The following CC2D1B variants were observed in gnomAD, a reference collection of about 807,000 sequenced individuals.
CC2D1B encodes coiled-coil and C2 domain containing 1B.
CC2D1B carries 92 observed loss-of-function variants against 110.8 expected under a neutral mutation model. The observed-to-expected ratio is 0.83, with a 90% CI of 0.70 to 0.99. The LOEUF (loss-of-function observed/expected upper bound fraction) is 0.99, where lower values mean the gene tolerates loss of function less well. Among genes scored for constraint, CC2D1B ranks in the 50% least tolerant of loss-of-function variants. CC2D1B has a pLI of 0.00. For synonymous variants in CC2D1B, 406 were observed against 429.2 expected (o/e 0.95, Z 0.67); for missense variants, 1,136 against 1,089.0 (o/e 1.04, Z -0.61).
rs149964496 is a variant in CC2D1B, at chr1:52,360,432, C to T, written c.595G>A (p.Gly199Ser). 3,047 of 1,613,522 alleles carry T rather than the reference C, an allele frequency of 1.9e-3. 3 individuals carry two copies. The highest frequency in any genetic ancestry group is 4.6e-3 in the African/African-American group (344 of 75,062). ...EAAKARRCER[G>S]LKTLESQLAS... Reference sequence around the variant, plus strand: ...AGCCTAGCCCGACTCACCTTCAGGCCGCGCTCGCAGCGCCTGGCTTTGGCT... The same window carrying T: ...AGCCTAGCCCGACTCACCTTCAGGCTGCGCTCGCAGCGCCTGGCTTTGGCT... The change falls in exon 6 of 25, where the codon GGC becomes AGC. Residue 199 changes from glycine (G) to serine (S), a missense_variant. Physicochemically the swap from Gly to Ser is moderately conservative, Grantham distance 56 (BLOSUM62 0). Coordinates refer to ENST00000284376, the MANE Select transcript of CC2D1B (RefSeq NM_001330585.2).
Position 52,358,765 on chromosome 1 carries a change from G to GGGAA in CC2D1B, c.1258-11_1258-8dup. ...GAATAGCATCTTGATATTGCTGCAA[G>GGGAA]GGAAGGAAGGGAGGGGCCTGTGGTC... On this transcript the variant is annotated splice_region_variant and splice_polypyrimidine_tract_variant and intron_variant, in intron 11 of 24. Transcript: ENST00000284376. 6.2e-7 allele frequency: 1 copy of GGGAA among 1,606,796 alleles called. No individual in the cohort carries two copies. The highest frequency in any genetic ancestry group is 1.7e-4 in the Middle Eastern group (1 of 6,032).
intron 21 of CC2D1B, 118 bp downstream of exon 21, chr1:52,355,280 C>A: frequency 9.4e-7 from 1 of 1,064,562 alleles, no homozygotes; most frequent in South Asian, 1.4e-5. Context: ...GTTAACAGCA[C>A]CTTTATCTCC....
chr1:52,356,785 CTG>C (rs1646662605), intron 16 of CC2D1B: 1 of 606,792 alleles, frequency 1.6e-6, no homozygotes, highest in African/African-American at 1.8e-5. Context: ...TCCCTCTTCT[CTG>C]TTGTTTGTAC....
intron 13 of CC2D1B, 138 bp from the exon 14 acceptor site, chr1:52,358,036 C>T: frequency 7.6e-7 from 1 of 1,307,814 alleles, no homozygotes; most frequent in Non-Finnish European, 1.0e-6. Flanking sequence ...TTCCTGGGTC[C>T]TAAAAGATCT....
rs1201357574 is a variant in CC2D1B, at chr1:52,358,465, TG to T, written c.1331-5del. The T allele has an allele frequency of 2.5e-6, 4 of 1,613,172 alleles. No homozygotes were observed. Among genetic ancestry groups the T allele is most frequent in the African/African-American group, 1.3e-5 (1 of 74,734 alleles). On this transcript the variant is annotated splice_region_variant and splice_polypyrimidine_tract_variant and intron_variant, in intron 12 of 24. Coordinates refer to ENST00000284376, the MANE Select transcript of CC2D1B (RefSeq NM_001330585.2). ...AGGCCAGGGATGGGGGGAAATCCTG[TG>T]GGAGAGAGACAGCATGGGAGGGGCA...
intron 3 of CC2D1B, among the ~76,000 whole-genome samples, 179 bp from the exon 4 acceptor site, chr1:52,361,795 T>C (rs1363617100): frequency 6.6e-6 from 1 of 152,040 alleles, no homozygotes; most frequent in Admixed American, 6.6e-5. Flanking sequence ...AGGGAAACCT[T>C]CCTTGGCCCC....
Position 52,352,703 on chromosome 1 carries a change from G to A in CC2D1B, c.*522C>T, listed in dbSNP as rs1460676578. 2 of 152,886 alleles carry A rather than the reference G, an allele frequency of 1.3e-5. No homozygotes were observed. The highest frequency in any genetic ancestry group is 2.9e-5 in the Non-Finnish European group (2 of 68,278). The allele number at this position is 152,886 out of a possible 1,614,324, so 9.5% of individuals were successfully genotyped here. ...AAGCAGGAAGGCTAGTGCAGCAGCTGTCAGGGATAAAGGCACAGGCAGAGC... is the reference window on the plus strand; with the variant it reads ...AAGCAGGAAGGCTAGTGCAGCAGCTATCAGGGATAAAGGCACAGGCAGAGC... On this transcript the variant is annotated 3_prime_UTR_variant, in exon 25 of 25. Coordinates refer to ENST00000284376, the MANE Select transcript of CC2D1B (RefSeq NM_001330585.2).
rs1569848039 is a variant in CC2D1B at position 52,358,282 on chromosome 1, T to C, written c.1461+49A>G. ...GGACAACAGGGTCTGGGTTTACCCC[T>C]CACCTGCTATTCTCCCCACCAGCCC... On this transcript the variant is annotated intron_variant, in intron 13 of 24. Coordinates refer to ENST00000284376, the MANE Select transcript of CC2D1B (RefSeq NM_001330585.2). 3.8e-6 allele frequency: 6 copies of C among 1,592,328 alleles called. No homozygotes were observed. In the South Asian group the frequency reaches 5.8e-5, roughly 15 times the overall value.
Position 52,359,232 on chromosome 1 carries a change from C to T in CC2D1B, c.1126+18G>A. The stretch of plus-strand genomic sequence containing the variant: ...TGCCTGCAGGTCCCCACGCCACAGT[C>T]CCACCATCCTGCCCTACCTGGGGTT... On this transcript the variant is annotated intron_variant, in intron 10 of 24. Transcript: ENST00000284376. 6.2e-7 allele frequency: 1 copy of T among 1,611,384 alleles called. No individual in the cohort carries two copies. The highest frequency in any genetic ancestry group is 8.5e-7 in the Non-Finnish European group (1 of 1,178,244).
chr1:52,364,853 CAAATTT>C (rs1470470869), intron 1 of CC2D1B, among the ~76,000 whole-genome samples: 1 of 152,138 alleles, frequency 6.6e-6, no homozygotes, highest in African/African-American at 2.4e-5. Flanking sequence ...TGAACGGACT[CAAATTT>C]AAAAAGCACA....
chr1:52,364,338 G>C (rs575337348), intron 2 of CC2D1B, among the ~76,000 whole-genome samples: 1 of 152,264 alleles, frequency 6.6e-6, no homozygotes, highest in South Asian at 2.1e-4. Flanking sequence ...GGTCCCATCA[G>C]AACATCCTAA....
At position 52,359,829 on chromosome 1, in the gene CC2D1B, G is replaced by C. The variant is rs1646740163; in HGVS notation, c.818C>G (p.Ser273Ter). 6.2e-7 allele frequency: 1 copy of C among 1,611,810 alleles called. No individual in the cohort carries two copies. The change falls in exon 8 of 25, where the codon TCA (serine) becomes TGA (stop). Residue 273 changes from serine (S) to a stop codon, truncating the protein, a stop_gained. Coordinates refer to ENST00000284376, the MANE Select transcript of CC2D1B (RefSeq NM_001330585.2). LOFTEE classifies it high-confidence loss of function. ...GGCCCGCGGGTCTGGGTCTAAGTCT[G>C]AAACGGGCTGGGCAGAAATGCCAGG... ...SLPGISAQPV[S>*]DLDPDPRALL...
Position 52,358,301 on chromosome 1 carries a change from C to G in CC2D1B, c.1461+30G>C, listed in dbSNP as rs577894603. On this transcript the variant is annotated intron_variant, in intron 13 of 24. Transcript: ENST00000284376. ...TACCCCTCACCTGCTATTCTCCCCA[C>G]CAGCCCTGGAGTTGAGCCCTCAACC... is the stretch of plus-strand genomic sequence containing the variant. 3.7e-6 allele frequency: 6 copies of G among 1,605,024 alleles called. No individual in the cohort carries two copies. The East Asian group carries it at 1.1e-4, about 30-fold the overall frequency.
At position 52,357,856 on chromosome 1, in the gene CC2D1B, G is replaced by A. The variant is rs533183387; in HGVS notation, c.1504C>T (p.Arg502Trp). ...CGCTGGGATGAAGGGACTGTGGGCC[G>A]TGCAGGTTTCTTGGCCACTGGGGCC... ...AQAPVAKKPA[R>W]PTVPSSQRLP... The change falls in exon 14 of 25, where the codon CGG becomes TGG. Residue 502 changes from arginine (R) to tryptophan (W), a missense_variant. Coordinates refer to ENST00000284376, the MANE Select transcript of CC2D1B (RefSeq NM_001330585.2). 42 of 1,586,354 alleles carry A rather than the reference G, an allele frequency of 2.6e-5. No individual in the cohort carries two copies. The highest frequency in any genetic ancestry group is 6.7e-5 in the East Asian group (3 of 44,774).
At chr1:52,358,486 G>C (rs779112354) in intron 12 of CC2D1B, 25 bp from the exon 13 acceptor site, 3 of 1,612,504 alleles carry the variant, frequency 1.9e-6, no homozygotes, top group East Asian at 4.5e-5. Context: ...CAGCATGGGA[G>C]GGGCAGGGAG....
At chr1:52,357,303 C>G in intron 15 of CC2D1B, 177 bp from the exon 16 acceptor site, 1 of 927,886 alleles carries the variant, frequency 1.1e-6, no homozygotes, top group Non-Finnish European at 1.6e-6. Context: ...TGGCCTGGCC[C>G]AGCCTTGTCA....
intron 7 of CC2D1B, 55 bp downstream of exon 7, chr1:52,360,019 A>C: frequency 6.5e-7 from 1 of 1,549,584 alleles, no homozygotes; most frequent in Non-Finnish European, 8.7e-7. Context: ...CTGGGGACAC[A>C]CGCTGTGGGC....
rs1388549410 is a variant in CC2D1B, at chr1:52,351,740, T to G, written c.*1485A>C. On this transcript the variant is annotated 3_prime_UTR_variant, in exon 25 of 25. Transcript: ENST00000284376. Reference sequence around the variant, plus strand: ...CTCTACTAAAAATAAAAAAATTAGCTGGGCATAGTGGTGGGTGCCTGTAAT... The same window carrying G: ...CTCTACTAAAAATAAAAAAATTAGCGGGGCATAGTGGTGGGTGCCTGTAAT... 6.6e-6 allele frequency: 1 copy of G among 151,916 alleles called. No homozygotes were observed. The highest frequency in any genetic ancestry group is 1.9e-4 in the East Asian group (1 of 5,188). 9.4% of individuals were successfully genotyped at this position (151,916 alleles called of 1,614,324 possible). A position where few individuals can be genotyped will look rare whatever the true frequency, so the allele number is the denominator to read the frequency against.
chr1:52,360,361 C>A, intron 6 of CC2D1B, 63 bp downstream of exon 6: 2 of 1,598,634 alleles, frequency 1.3e-6, no homozygotes, highest in Non-Finnish European at 8.5e-7. Context: ...CTGGTGCGAT[C>A]TCCACCAGCC....
Sources: allele counts gnomAD v4.1 joint callset (sites outside exome capture counted in the v4.1 genomes callset), GRCh38; gene constraint gnomAD v4.1.1; transcripts MANE v1.5; gene names NCBI Gene and HGNC (gene_info 2026-07-23, HGNC 2026-07-21).